Variants in KCTD16 observed in about 807,000 individuals in gnomAD.
The protein encoded by KCTD16 is BTB/POZ domain-containing protein KCTD16.
KCTD16 carries 13 observed loss-of-function variants against 33.2 expected under a neutral mutation model. That is an observed-to-expected ratio of 0.39 (90% CI 0.25 to 0.62). The LOEUF is 0.62. KCTD16 is among the 20% of genes least tolerant of loss of function. The pLI is 0.50. For synonymous variants in KCTD16, 197 were observed against 195.3 expected (o/e 1.01, Z -0.07); for missense variants, 441 against 525.1 (o/e 0.84, Z 1.57).
chr5:144,329,273 C>T (rs934399518), intron 3 of KCTD16, among the ~76,000 whole-genome samples: 13 of 152,250 alleles, frequency 8.5e-5, no homozygotes, highest in African/African-American at 3.1e-4. Flanking sequence ...TTGGTTCACT[C>T]AAAGAACACC....
At chr5:144,196,574 C>T (rs1168329988) in intron 2 of KCTD16, among the ~76,000 whole-genome samples, 1 of 152,122 alleles carries the variant, frequency 6.6e-6, no homozygotes, top group African/African-American at 2.4e-5. Flanking sequence ...ATCAACAACA[C>T]AGATGTATGT....
intron 3 of KCTD16, among the ~76,000 whole-genome samples, chr5:144,221,335 G>C (rs992740805): frequency 6.6e-6 from 1 of 152,048 alleles, no homozygotes; most frequent in Non-Finnish European, 1.5e-5. Context: ...TGTTACATAG[G>C]TATACACATG....
intron 3 of KCTD16, among the ~76,000 whole-genome samples, chr5:144,443,149 G>A (rs1753750009): frequency 6.6e-6 from 1 of 152,096 alleles, no homozygotes; most frequent in African/African-American, 2.4e-5. Context: ...TTACTTGCGT[G>A]AAACTGGAAC....
At chr5:144,230,933 A>G (rs543970109) in intron 3 of KCTD16, among the ~76,000 whole-genome samples, 1 of 152,344 alleles carries the variant, frequency 6.6e-6, no homozygotes, top group Non-Finnish European at 1.5e-5. Flanking sequence ...CAGGCAGAGC[A>G]TAGCCTGTTC....
chr5:144,447,812 C>T (rs556453983), intron 3 of KCTD16, among the ~76,000 whole-genome samples: 2 of 152,164 alleles, frequency 1.3e-5, no homozygotes, highest in East Asian at 1.9e-4. Flanking sequence ...AGATGAAGTA[C>T]GTGCTTCTGA....
chr5:144,295,566 C>T (rs910501452), intron 3 of KCTD16, among the ~76,000 whole-genome samples: 4 of 152,146 alleles, frequency 2.6e-5, no homozygotes, highest in African/African-American at 9.7e-5. Context: ...ACCTGTCAGT[C>T]ATTGACTATG....
intron 3 of KCTD16, among the ~76,000 whole-genome samples, chr5:144,276,484 A>G (rs1050723858): frequency 6.6e-6 from 1 of 152,246 alleles, no homozygotes; most frequent in Non-Finnish European, 1.5e-5. Flanking sequence ...TGGAATTATT[A>G]TGATGCTAAT....
chr5:144,361,635 T>C (rs1357780949), intron 3 of KCTD16, among the ~76,000 whole-genome samples: 4 of 152,170 alleles, frequency 2.6e-5, no homozygotes, highest in Non-Finnish European at 5.9e-5. Flanking sequence ...GCAATCCTTT[T>C]GGGGTATAGA....
rs1754759556 is a variant in KCTD16 at position 144,484,234 on chromosome 5, T to G, written c.*10120T>G. On this transcript the variant is annotated 3_prime_UTR_variant, in exon 4 of 4. Transcript: ENST00000512467. ...TTAAGGAAATTGATTCATGAATAAT[T>G]GGAAAGGTATTCTAGTTAAGACACA... 1 of 151,890 alleles carries G rather than the reference T, an allele frequency of 6.6e-6. No homozygotes were observed. Among genetic ancestry groups the G allele is most frequent in the African/African-American group, 2.4e-5 (1 of 41,396 alleles). 9.4% of individuals were successfully genotyped at this position (151,890 alleles called of 1,614,324 possible).
At chr5:144,383,012 A>AAATAGTTTT (rs1434537548) in intron 3 of KCTD16, 2 of 152,176 alleles carry the variant, frequency 1.3e-5, no homozygotes, top group African/African-American at 2.4e-5. Context: ...TGCTCTGGCA[A>AAATAGTTTT]AATAGTTTTG....
chr5:144,350,957 G>A (rs1409902498), intron 3 of KCTD16, among the ~76,000 whole-genome samples: 2 of 151,876 alleles, frequency 1.3e-5, no homozygotes, highest in African/African-American at 2.4e-5. Flanking sequence ...ATCCAGGTAT[G>A]TAAAAACACA....
At chr5:144,327,830 T>C (rs1197967213) in intron 3 of KCTD16, among the ~76,000 whole-genome samples, 1 of 152,170 alleles carries the variant, frequency 6.6e-6, no homozygotes, top group Non-Finnish European at 1.5e-5. Flanking sequence ...TTTATAATTA[T>C]TTGGGTTCCT....
At chr5:144,250,552 C>G (rs149062529) in intron 3 of KCTD16, among the ~76,000 whole-genome samples, 1 of 152,094 alleles carries the variant, frequency 6.6e-6, no homozygotes, top group Non-Finnish European at 1.5e-5. Context: ...GCCTTTGTTC[C>G]GAGAAGTATA....
At chr5:144,248,970 G>T (rs1257970493) in intron 3 of KCTD16, among the ~76,000 whole-genome samples, 3 of 152,024 alleles carry the variant, frequency 2.0e-5, no homozygotes, top group Admixed American at 6.6e-5. Context: ...TCTTTACTTG[G>T]TCTCAGCAAA....
chr5:144,270,460 G>A (rs768563433), intron 3 of KCTD16, among the ~76,000 whole-genome samples: 15 of 151,704 alleles, frequency 9.9e-5, no homozygotes, highest in Non-Finnish European at 2.2e-4. Flanking sequence ...AAGAAAATTA[G>A]AAAATACTTA....
chr5:144,340,270 C>T lies in KCTD16; in HGVS notation c.832+132724C>T, dbSNP rs555433985. ...ACAAAAAATTAGCTGGGCATGGTGA[C>T]GGGTACCTATAGTCCCAGCTATTCG... On this transcript the variant is annotated intron_variant, in intron 3 of 3. Coordinates refer to ENST00000512467, the MANE Select transcript of KCTD16 (RefSeq NM_020768.4). Among the ~76,000 whole-genome samples, 11 of 151,888 alleles carry T rather than the reference C, an allele frequency of 7.2e-5. 1 individual carries two copies. Among genetic ancestry groups the T allele is most frequent in the Admixed American group, 2.6e-4 (4 of 15,256 alleles).
chr5:144,426,689 C>A (rs1433524440), intron 3 of KCTD16, among the ~76,000 whole-genome samples: 1 of 152,030 alleles, frequency 6.6e-6, no homozygotes, highest in Non-Finnish European at 1.5e-5. Context: ...AGCATGGCAC[C>A]AGCATCTGGG....
At chr5:144,384,834 T>C (rs1752289065) in intron 3 of KCTD16, among the ~76,000 whole-genome samples, 2 of 152,200 alleles carry the variant, frequency 1.3e-5, no homozygotes, top group Non-Finnish European at 2.9e-5. Context: ...GGCTATTCTT[T>C]AAAGTTTTAG....
chr5:144,225,594 GTGTC>G (rs887953916), intron 3 of KCTD16, among the ~76,000 whole-genome samples: 21 of 132,404 alleles, frequency 1.6e-4, no homozygotes, highest in Non-Finnish European at 2.8e-4. Flanking sequence ...GTGTGTGTGT[GTGTC>G]TTTAAAACTA....
Sources: gnomAD v4.1 joint callset for allele counts (sites outside exome capture counted in the v4.1 genomes callset) on GRCh38, gnomAD v4.1.1 for gene constraint, MANE v1.5 for transcripts, NCBI Gene and HGNC (gene_info 2026-07-23, HGNC 2026-07-21) for gene names.